PDLIM3: variants seen among roughly 807,000 people sequenced by gnomAD.
PDLIM3 encodes PDZ and LIM domain 3, also known as PDZ and LIM domain protein 3.
A neutral mutation model predicts 37.3 loss-of-function variants in PDLIM3; 36 were observed. The ratio of observed to expected loss-of-function variants is 0.97; its 90% CI spans 0.74 to 1.28. The LOEUF (loss-of-function observed/expected upper bound fraction) is 1.28. Among genes scored for constraint, PDLIM3 ranks in the 50% most tolerant of loss-of-function variants. PDLIM3 has a pLI of 0.00. For missense variants in PDLIM3, 454 were observed against 485.0 expected (o/e 0.94, Z 0.60); for synonymous variants, 174 against 182.4 (o/e 0.95, Z 0.37).
intron 7 of PDLIM3, among the ~76,000 whole-genome samples, chr4:185,503,180 C>A (rs557535203): frequency 4.6e-5 from 7 of 152,062 alleles, no homozygotes; most frequent in Admixed American, 4.6e-4. Flanking sequence ...GCCGAGATCG[C>A]GCCACTGCAC....
At position 185,505,848 on chromosome 4, in the gene PDLIM3, C is replaced by T. The variant is rs568501619; in HGVS notation, c.793+674G>A. ...AATACTTGTTATTCTCCATGTCTGCCACAATAGCCACCCTAATGGGACATT... is the reference window on the plus strand; with the variant it reads ...AATACTTGTTATTCTCCATGTCTGCTACAATAGCCACCCTAATGGGACATT... On this transcript the variant is annotated intron_variant, in intron 6 of 7. Coordinates refer to ENST00000284767, the MANE Select transcript of PDLIM3 (RefSeq NM_014476.6). Among the ~76,000 whole-genome samples the T allele has an allele frequency of 7.2e-5, 11 of 152,294 alleles. No homozygotes were observed. The South Asian group carries it at 2.1e-3, about 29-fold the overall frequency.
intron 2 of PDLIM3, among the ~76,000 whole-genome samples, chr4:185,523,872 C>T (rs1444343600): frequency 6.6e-6 from 1 of 151,820 alleles, no homozygotes. Context: ...CCCAGTTCGG[C>T]CTCCCAAAGC....
intron 3 of PDLIM3, among the ~76,000 whole-genome samples, chr4:185,517,956 T>A (rs1561198158): frequency 6.6e-6 from 1 of 152,236 alleles, no homozygotes; most frequent in Non-Finnish European, 1.5e-5. Flanking sequence ...TGTTCCACTT[T>A]AATTCATTTT....
rs1259134531 is a variant in PDLIM3, at chr4:185,522,516, C to T, written c.330+846G>A. ...TACTGCTAAACATAAATTACAAATA[C>T]GTTTTCAGTTCCCTTTCATCAGTTA... On this transcript the variant is annotated intron_variant, in intron 3 of 7. Transcript: ENST00000284767. Among the ~76,000 whole-genome samples the T allele has an allele frequency of 4.5e-5, 3 of 66,578 alleles. 1 individual carries two copies. Among genetic ancestry groups the T allele is most frequent in the African/African-American group, 8.2e-5 (3 of 36,480 alleles). The allele number at this position is 66,578 out of a possible 152,430, so 43.7% of individuals were successfully genotyped here.
rs1260566175 is a variant in PDLIM3 at position 185,514,407 on chromosome 4, C to T, written c.331-70G>A. On this transcript the variant is annotated intron_variant, in intron 3 of 7. Transcript: ENST00000284767. The surrounding 1 kb of genome is among the most constrained non-coding windows in gnomAD (Gnocchi z 4.0). ...ACTGTTGCAGATAAGATTAAACGAA[C>T]GATAGTTGTACAGGGAGGATCATTT... 5 of 1,613,658 alleles carry T rather than the reference C, an allele frequency of 3.1e-6. No individual in the cohort carries two copies. Among genetic ancestry groups the T allele is most frequent in the Admixed American group, 3.3e-5 (2 of 59,974 alleles).
intron 3 of PDLIM3, among the ~76,000 whole-genome samples, chr4:185,518,433 A>G (rs150385583): frequency 6.8e-4 from 104 of 152,052 alleles, no homozygotes; most frequent in African/African-American, 2.1e-3. Flanking sequence ...AGATATACAC[A>G]CATATATGTA....
intron 3 of PDLIM3, among the ~76,000 whole-genome samples, chr4:185,520,136 G>A (rs531681675): frequency 2.2e-4 from 34 of 152,166 alleles, no homozygotes; most frequent in Non-Finnish European, 4.1e-4. Context: ...TCTGGTTTAC[G>A]CTAAAGGATT....
At chr4:185,512,484 G>A (rs1299728002) in intron 4 of PDLIM3, 1 of 159,612 alleles carries the variant, frequency 6.3e-6, no homozygotes, top group African/African-American at 2.4e-5. Flanking sequence ...ATTAAAAGGT[G>A]TGATCTTCAA....
chr4:185,512,640 G>A, intron 4 of PDLIM3: 1 of 980,292 alleles, frequency 1.0e-6, no homozygotes, highest in Non-Finnish European at 1.2e-6. Flanking sequence ...GTAAAGGCAG[G>A]ATATGTGTTA....
In PDLIM3 at chr4:185,531,512, C is replaced by T. The variant is rs146743569; in HGVS notation, c.93+3830G>A. 5.1e-4 allele frequency among the ~76,000 whole-genome samples: 78 copies of T among 152,216 alleles called. 1 individual carries two copies. The highest frequency in any genetic ancestry group is 1.8e-3 in the African/African-American group (73 of 41,544). On this transcript the variant is annotated intron_variant, in intron 1 of 7. Transcript: ENST00000284767. ...TGGCTATTTGGATTGTAAACAATTA[C>T]GGGCATGAGGGCCCTGTGTCCTAAT... is the stretch of plus-strand genomic sequence containing the variant.
At chr4:185,510,616 T>TTTTTCAAAAAC (rs1462531718) in intron 4 of PDLIM3, among the ~76,000 whole-genome samples, 21 of 152,328 alleles carry the variant, frequency 1.4e-4, no homozygotes, top group Admixed American at 7.2e-4. Context: ...TTTTTCAAAT[T>TTTTTCAAAAAC]GTCGCAAATC....
At chr4:185,523,547 T>A in intron 2 of PDLIM3, 101 bp from the exon 3 acceptor site, 1 of 703,824 alleles carries the variant, frequency 1.4e-6, no homozygotes, top group African/African-American at 1.8e-5. Flanking sequence ...CTAGCAAACC[T>A]CACTAACTTA....
In PDLIM3 at chr4:185,504,437, GCTGTA is replaced by G; in HGVS notation, c.905+33_905+37del. 2 of 1,501,974 alleles carry G rather than the reference GCTGTA, an allele frequency of 1.3e-6. No individual in the cohort carries two copies. Among genetic ancestry groups the G allele is most frequent in the East Asian group, 4.5e-5 (2 of 44,328 alleles). The allele number at this position is 1,501,974 out of a possible 1,614,324, so 93.0% of individuals were successfully genotyped here. On this transcript the variant is annotated intron_variant, in intron 7 of 7. Transcript: ENST00000284767. This position sits in a 1 kb window ranked among gnomAD's most constrained non-coding sequence, Gnocchi z 4.7. ...AGGAGAAGAAATGAACTGTCGCCAA[GCTGTA>G]TCGTAAATTCCAGGGTTAAAAGTGA...
intron 1 of PDLIM3, among the ~76,000 whole-genome samples, chr4:185,525,446 A>AT (rs1193877250): frequency 6.6e-6 from 1 of 152,156 alleles, no homozygotes; most frequent in African/African-American, 2.4e-5. Context: ...TGAATCATAC[A>AT]TTTTTTTGTT....
At chr4:185,520,483 A>ATGTAG in intron 3 of PDLIM3, among the ~76,000 whole-genome samples, 2 of 69,102 alleles carry the variant, frequency 2.9e-5, no homozygotes, top group African/African-American at 5.3e-5. Flanking sequence ...TAGTATTGTA[A>ATGTAG]ATATTCATAT....
chr4:185,514,113 G>A lies in PDLIM3; in HGVS notation c.398+157C>T. 2.6e-6 allele frequency: 4 copies of A among 1,526,938 alleles called. No homozygotes were observed. The highest frequency in any genetic ancestry group is 8.8e-7 in the Non-Finnish European group (1 of 1,138,712). The allele number at this position is 1,526,938 out of a possible 1,614,324, so 94.6% of individuals were successfully genotyped here. On this transcript the variant is annotated intron_variant, in intron 4 of 7. Transcript: ENST00000284767. The surrounding 1 kb of genome is among the most constrained non-coding windows in gnomAD (Gnocchi z 4.0). ...TGGAAATGCAAGTTATTTGGCTTCT[G>A]TTCTCTGCCAAGTGAGTTTGTTTCT...
intron 4 of PDLIM3, 71 bp from the exon 5 acceptor site, chr4:185,508,633 G>C: frequency 6.7e-7 from 1 of 1,500,994 alleles, no homozygotes. Context: ...AGAACACAGA[G>C]AACACGTACA....
intron 4 of PDLIM3, among the ~76,000 whole-genome samples, chr4:185,510,117 T>C (rs1294116870): frequency 2.0e-5 from 3 of 152,202 alleles, no homozygotes; most frequent in African/African-American, 7.2e-5. Context: ...ACTCTTGAAA[T>C]GGACTTCAGC....
At chr4:185,530,821 C>G (rs148496150) in intron 1 of PDLIM3, among the ~76,000 whole-genome samples, 1 of 152,074 alleles carries the variant, frequency 6.6e-6, no homozygotes, top group Non-Finnish European at 1.5e-5. Context: ...TAAATCACTT[C>G]GAAGTCTTAG....
Sources: gnomAD v4.1 joint callset for allele counts (sites outside exome capture counted in the v4.1 genomes callset) on GRCh38, gnomAD v4.1.1 for gene constraint, Gnocchi (gnomAD v3.1) non-coding constraint, MANE v1.5 for transcripts, NCBI Gene and HGNC (gene_info 2026-07-23, HGNC 2026-07-21) for gene names.